Variants in PRKD1 observed in about 807,000 individuals in gnomAD.
The protein encoded by PRKD1 is protein kinase D1, also known as serine/threonine-protein kinase D1.
In PRKD1, 63 loss-of-function variants were observed where a neutral mutation model predicts 95.9. The observed-to-expected ratio is 0.66, with a 90% CI of 0.54 to 0.81. PRKD1 has a LOEUF of 0.81. PRKD1 is among the 30% of genes least tolerant of loss of function. The probability of loss-of-function intolerance (pLI) is 0.00; values close to 1 mark genes in which losing one functional copy is unlikely to be tolerated. For synonymous variants in PRKD1, 425 were observed against 423.1 expected, an observed-to-expected ratio of 1.00 and a Z score of -0.05; for missense variants, 1,048 against 1,165.3, an observed-to-expected ratio of 0.90 and a Z score of 1.47.
chr14:29,875,904 A>G (rs1893268632), intron 1 of PRKD1, among the ~76,000 whole-genome samples: 1 of 152,196 alleles, frequency 6.6e-6, no homozygotes, highest in Non-Finnish European at 1.5e-5. Flanking sequence ...CAAACTGCCA[A>G]ATCCATTCCC....
intron 4 of PRKD1, among the ~76,000 whole-genome samples, chr14:29,648,682 TCTCG>T (rs1384134259): frequency 3.3e-5 from 5 of 151,268 alleles, no homozygotes; most frequent in African/African-American, 1.2e-4. Context: ...TGACAGGGAG[TCTCG>T]CTCTGTTGCC....
chr14:29,697,304 T>C (rs1416677009), intron 2 of PRKD1, among the ~76,000 whole-genome samples: 1 of 152,186 alleles, frequency 6.6e-6, no homozygotes, highest in East Asian at 1.9e-4. Context: ...TTGAAAACTA[T>C]TCTTCTTATA....
chr14:29,774,011 A>G (rs1211290397), intron 1 of PRKD1, among the ~76,000 whole-genome samples: 1 of 152,252 alleles, frequency 6.6e-6, no homozygotes, highest in Non-Finnish European at 1.5e-5. Flanking sequence ...TGGATCAAAG[A>G]AAGAAAAGAT....
At chr14:29,893,949 G>A (rs916090091) in intron 1 of PRKD1, among the ~76,000 whole-genome samples, 1 of 152,312 alleles carries the variant, frequency 6.6e-6, no homozygotes. Flanking sequence ...AGAAATACCT[G>A]CATATCTTTG....
intron 1 of PRKD1, among the ~76,000 whole-genome samples, chr14:29,802,833 G>A (rs191788507): frequency 6.6e-6 from 1 of 152,272 alleles, no homozygotes; most frequent in East Asian, 1.9e-4. Context: ...ACATCTTGTT[G>A]CAGAAAGGCA....
chr14:29,810,115 T>C (rs1890417488), intron 1 of PRKD1, among the ~76,000 whole-genome samples: 2 of 152,170 alleles, frequency 1.3e-5, no homozygotes, highest in African/African-American at 4.8e-5. Flanking sequence ...ATGGGCACAA[T>C]TTTTGGTATA....
chr14:29,817,345 T>C (rs904410288), intron 1 of PRKD1, among the ~76,000 whole-genome samples: 1 of 152,034 alleles, frequency 6.6e-6, no homozygotes, highest in African/African-American at 2.4e-5. Flanking sequence ...TTTGAAAAGA[T>C]TTCAAAAAAG....
chr14:29,713,491 T>C (rs7493369), intron 2 of PRKD1, among the ~76,000 whole-genome samples: 1 of 152,156 alleles, frequency 6.6e-6, no homozygotes, highest in Admixed American at 6.6e-5. Flanking sequence ...TAAATGGATA[T>C]TCTAGAATTT....
intron 1 of PRKD1, among the ~76,000 whole-genome samples, chr14:29,820,561 C>T (rs1057484028): frequency 1.2e-4 from 19 of 152,252 alleles, no homozygotes; most frequent in Non-Finnish European, 1.8e-4. Context: ...CAACTAATAA[C>T]ACAAGAGAAT....
intron 1 of PRKD1, among the ~76,000 whole-genome samples, chr14:29,871,987 T>A (rs2139378995): frequency 1.3e-5 from 2 of 152,322 alleles, no homozygotes; most frequent in Admixed American, 1.3e-4. Flanking sequence ...TTCACCTGCA[T>A]ATATGGAAAA....
At position 29,646,533 on chromosome 14, in the gene PRKD1, T is replaced by TTAGATAGA. The variant is rs3837586; in HGVS notation, c.697-7637_697-7630dup. On this transcript the variant is annotated intron_variant, in intron 4 of 17. Coordinates refer to ENST00000331968, the MANE Select transcript of PRKD1 (RefSeq NM_002742.3). ...TATGCCTACTATGTACTCACAAAAATTAGATAGATAGATAGATAGATAGAT... is the reference window on the plus strand; with the variant it reads ...TATGCCTACTATGTACTCACAAAAATTAGATAGATAGATAGATAGATAGATAGATAGAT... Among the ~76,000 whole-genome samples, 1,154 of 150,150 alleles carry TTAGATAGA rather than the reference T, an allele frequency of 7.7e-3. 5 individuals are homozygous for TTAGATAGA. The highest frequency in any genetic ancestry group is 0.022 in the East Asian group (113 of 5,076).
At chr14:29,605,025 C>A (rs898343714) in intron 13 of PRKD1, among the ~76,000 whole-genome samples, 8 of 152,152 alleles carry the variant, frequency 5.3e-5, no homozygotes, top group African/African-American at 1.4e-4. Flanking sequence ...TCACTTCCAA[C>A]AACCCACTGG....
At position 29,766,146 on chromosome 14, in the gene PRKD1, G is replaced by A. The variant is rs371690481; in HGVS notation, c.265-40472C>T. On this transcript the variant is annotated intron_variant, in intron 1 of 17. Coordinates refer to ENST00000331968, the MANE Select transcript of PRKD1 (RefSeq NM_002742.3). ...AGAAAGACAGGGGAATAAGTGAGCTGCACTGAGTTAAATTCCAAGTTTCAT... is the reference window on the plus strand; with the variant it reads ...AGAAAGACAGGGGAATAAGTGAGCTACACTGAGTTAAATTCCAAGTTTCAT... Among the ~76,000 whole-genome samples, 6 of 152,274 alleles carry A rather than the reference G, an allele frequency of 3.9e-5. No individual in the cohort carries two copies. The East Asian group carries it at 7.7e-4, about 20-fold the overall frequency.
intron 1 of PRKD1, among the ~76,000 whole-genome samples, chr14:29,853,490 C>A (rs955075571): frequency 2.0e-5 from 3 of 152,144 alleles, no homozygotes; most frequent in Middle Eastern, 3.4e-3. Context: ...ACTAGGAAAC[C>A]AAGGCCCACA....
chr14:29,826,192 A>AT (rs1891103366), intron 1 of PRKD1, among the ~76,000 whole-genome samples: 1 of 139,118 alleles, frequency 7.2e-6, no homozygotes, highest in African/African-American at 2.7e-5. Context: ...ATATATACAT[A>AT]TATATGATGG....
At chr14:29,696,205 C>G (rs1343752991) in intron 2 of PRKD1, among the ~76,000 whole-genome samples, 1 of 151,582 alleles carries the variant, frequency 6.6e-6, no homozygotes. Context: ...TGCTGATGAA[C>G]TGATTTATGT....
chr14:29,809,480 T>C (rs1890388322), intron 1 of PRKD1, among the ~76,000 whole-genome samples: 1 of 152,242 alleles, frequency 6.6e-6, no homozygotes, highest in Non-Finnish European at 1.5e-5. Context: ...GAAGCCACCT[T>C]CATCAATGAT....
intron 13 of PRKD1, among the ~76,000 whole-genome samples, chr14:29,620,974 C>T (rs1054653999): frequency 1.3e-5 from 2 of 151,960 alleles, no homozygotes; most frequent in East Asian, 3.9e-4. Context: ...GGCACAGATA[C>T]ACCACAGCCA....
intron 1 of PRKD1, among the ~76,000 whole-genome samples, chr14:29,756,365 A>G (rs1301735969): frequency 6.6e-6 from 1 of 152,008 alleles, no homozygotes; most frequent in Non-Finnish European, 1.5e-5. Context: ...TTAAATCAAA[A>G]TTTACTCAGT....
Sources: gnomAD v4.1 joint callset for allele counts (sites outside exome capture counted in the v4.1 genomes callset) on GRCh38, gnomAD v4.1.1 for gene constraint, MANE v1.5 for transcripts, NCBI Gene and HGNC (gene_info 2026-07-23, HGNC 2026-07-21) for gene names.